AOPEP: variants seen among roughly 807,000 people sequenced by gnomAD.
AOPEP encodes aminopeptidase O (putative), also known as aminopeptidase O.
Under a neutral mutation model 98.1 loss-of-function variants are expected in AOPEP, and 77 were observed. That is an observed-to-expected ratio of 0.78 (90% CI 0.65 to 0.95). The LOEUF (loss-of-function observed/expected upper bound fraction) is 0.95. AOPEP is among the 40% of genes least tolerant of loss of function. AOPEP has a pLI of 0.00. For missense variants in AOPEP, 1,024 were observed against 1,024.7 expected, an observed-to-expected ratio of 1.00 and a Z score of 0.01; for synonymous variants, 346 against 365.3, an observed-to-expected ratio of 0.95 and a Z score of 0.60.
intron 1 of AOPEP, among the ~76,000 whole-genome samples, chr9:94,734,752 A>G (rs1430605884): frequency 6.6e-6 from 1 of 152,206 alleles, no homozygotes; most frequent in Non-Finnish European, 1.5e-5. Flanking sequence ...AATTCAACCT[A>G]ATTGTAGTGG....
intron 13 of AOPEP, among the ~76,000 whole-genome samples, chr9:95,018,341 A>G (rs2063176255): frequency 6.6e-6 from 1 of 152,162 alleles, no homozygotes; most frequent in African/African-American, 2.4e-5. Context: ...TGGGTGTTCA[A>G]ACGTGCTTTT....
intron 5 of AOPEP, among the ~76,000 whole-genome samples, chr9:94,876,796 T>C (rs902528390): frequency 2.0e-5 from 3 of 152,226 alleles, no homozygotes; most frequent in East Asian, 3.9e-4. Flanking sequence ...GTACCAAATA[T>C]AAGCCCCCAA....
intron 5 of AOPEP, among the ~76,000 whole-genome samples, chr9:94,890,174 C>T (rs12685907): frequency 0.029 from 4,384 of 151,430 alleles, 161 homozygotes; most frequent in African/African-American, 0.083. Flanking sequence ...ACTACAGGTG[C>T]GCACCACTAT....
chr9:94,775,732 T>C (rs906115596), intron 3 of AOPEP, among the ~76,000 whole-genome samples: 2 of 152,056 alleles, frequency 1.3e-5, no homozygotes, highest in Admixed American at 6.5e-5. Flanking sequence ...CCCAGCACTT[T>C]TGGAGGCCCA....
rs191073063 is a variant in AOPEP at position 94,797,227 on chromosome 9, A to G, written c.1119-3530A>G. Among the ~76,000 whole-genome samples, 70 of 152,234 alleles carry G rather than the reference A, an allele frequency of 4.6e-4. 2 individuals carry two copies. Among genetic ancestry groups the G allele is most frequent in the African/African-American group, 1.7e-3 (69 of 41,548 alleles). ...GGCGGGCGGATCACGAGGTCGGGAG[A>G]TCGAGACCATCCTGACCAACATGGT... is the stretch of plus-strand genomic sequence containing the variant. On this transcript the variant is annotated intron_variant, in intron 4 of 16. Coordinates refer to ENST00000375315, the MANE Select transcript of AOPEP (RefSeq NM_001193329.3).
At chr9:95,066,685 A>G (rs544636436) in intron 14 of AOPEP, among the ~76,000 whole-genome samples, 13 of 152,104 alleles carry the variant, frequency 8.5e-5, no homozygotes, top group Non-Finnish European at 1.3e-4. Flanking sequence ...TGTTTGCTCC[A>G]TAGGGCGCTC....
intron 11 of AOPEP, 183 bp from the exon 12 acceptor site, chr9:95,004,975 C>G (rs2061856343): frequency 6.7e-6 from 1 of 149,088 alleles, no homozygotes. Context: ...GCGCCCGCCG[C>G]CCGCGCCGCG....
At chr9:94,978,137 G>C (rs1285549633) in intron 10 of AOPEP, among the ~76,000 whole-genome samples, 1 of 152,132 alleles carries the variant, frequency 6.6e-6, no homozygotes, top group African/African-American at 2.4e-5. Flanking sequence ...GGGTCGCAGA[G>C]GGGTGCACTT....
chr9:95,101,701 T>G, the AOPEP span: 2 of 1,613,616 alleles, frequency 1.2e-6, no homozygotes, highest in South Asian at 1.1e-5. Context: ...ACGGCCTGCG[T>G]GCCTTCTAGA....
chr9:94,762,452 GAA>G (rs796216866), intron 2 of AOPEP, among the ~76,000 whole-genome samples: 2 of 103,156 alleles, frequency 1.9e-5, no homozygotes, highest in Admixed American at 9.9e-5. Flanking sequence ...GTCTCAAAAA[GAA>G]AAAAAAAAAA....
At chr9:95,092,456 G>A in the AOPEP span, among the ~76,000 whole-genome samples, 1 of 152,190 alleles carries the variant, frequency 6.6e-6, no homozygotes, top group African/African-American at 2.4e-5. Flanking sequence ...ACCTGGGAGA[G>A]GAGTGCCCAG....
chr9:95,044,766 G>GGT (rs2065683449), intron 13 of AOPEP, among the ~76,000 whole-genome samples: 1 of 152,262 alleles, frequency 6.6e-6, no homozygotes, highest in Non-Finnish European at 1.5e-5. Flanking sequence ...AGAAGTGCAG[G>GGT]GTGGGAGTCA....
In AOPEP at chr9:95,030,671, C is replaced by CT. The variant is rs553640574; in HGVS notation, c.2115+25056dup. Among the ~76,000 whole-genome samples the CT allele has an allele frequency of 2.4e-4, 36 of 147,956 alleles. No homozygotes were observed. In the East Asian group the frequency reaches 7.0e-3, roughly 29 times the overall value. ...TGGCAGCAGCCATCCTTCTTCCTCT[C>CT]TGTGTCTCTTCTTCCTCTCTGAACA... On this transcript the variant is annotated intron_variant, in intron 13 of 16. Coordinates refer to ENST00000375315, the MANE Select transcript of AOPEP (RefSeq NM_001193329.3).
At chr9:94,786,050 C>T (rs527669814) in intron 3 of AOPEP, among the ~76,000 whole-genome samples, 27 of 152,324 alleles carry the variant, frequency 1.8e-4, no homozygotes, top group Non-Finnish European at 2.9e-5. Flanking sequence ...CTTCAGCATT[C>T]TTTGCCTTTG....
rs1459284630 is a variant in AOPEP, at chr9:94,879,724, G to T, written c.1365-44262G>T. Among the ~76,000 whole-genome samples the T allele has an allele frequency of 2.0e-5, 3 of 152,200 alleles. No homozygotes were observed. The South Asian group carries it at 6.2e-4, about 32-fold the overall frequency. On this transcript the variant is annotated intron_variant, in intron 5 of 16. Transcript: ENST00000375315. Reference sequence around the variant, plus strand: ...AAGTCCATTTGTAAATGTTCAAATGGTCCATCAGATGGTGGAAATATACTA... The same window carrying T: ...AAGTCCATTTGTAAATGTTCAAATGTTCCATCAGATGGTGGAAATATACTA...
chr9:94,946,095 A>G (rs1274063465), intron 7 of AOPEP, among the ~76,000 whole-genome samples: 1 of 152,208 alleles, frequency 6.6e-6, no homozygotes, highest in East Asian at 1.9e-4. Context: ...TGGATCCTAT[A>G]CTCAAAAAGT....
intron 7 of AOPEP, among the ~76,000 whole-genome samples, chr9:94,940,263 G>A (rs1022219454): frequency 9.8e-5 from 15 of 152,314 alleles, no homozygotes; most frequent in Admixed American, 3.9e-4. Flanking sequence ...TTTAGAACAT[G>A]TATGTTAAGT....
chr9:94,731,258 C>T (rs1830456439), intron 1 of AOPEP, among the ~76,000 whole-genome samples: 2 of 151,144 alleles, frequency 1.3e-5, no homozygotes, highest in South Asian at 2.1e-4. Flanking sequence ...GACGGAGTCT[C>T]GCTCTGTCGC....
intron 14 of AOPEP, among the ~76,000 whole-genome samples, chr9:95,061,548 T>A (rs1391279714): frequency 6.6e-6 from 1 of 152,186 alleles, no homozygotes; most frequent in Non-Finnish European, 1.5e-5. Flanking sequence ...TATTTTGAGT[T>A]GAGATGTGCT....
Sources: gnomAD v4.1 joint callset for allele counts (sites outside exome capture counted in the v4.1 genomes callset) on GRCh38, gnomAD v4.1.1 for gene constraint, MANE v1.5 for transcripts, NCBI Gene and HGNC (gene_info 2026-07-23, HGNC 2026-07-21) for gene names.